Variants in ADAMTS12 observed in about 807,000 individuals in gnomAD.
ADAMTS12 encodes the protein A disintegrin and metalloproteinase with thrombospondin motifs 12.
In ADAMTS12, 118 loss-of-function variants were observed where a neutral mutation model predicts 167.8. That is an observed-to-expected ratio of 0.70 (90% CI 0.61 to 0.82). The LOEUF is 0.82. Ranked by LOEUF, ADAMTS12 falls within the 40% of genes least tolerant of loss-of-function variation. The probability of loss-of-function intolerance (pLI) is 0.00; values close to 1 mark genes in which losing one functional copy is unlikely to be tolerated. For synonymous variants in ADAMTS12, 704 were observed against 716.9 expected, an observed-to-expected ratio of 0.98 and a Z score of 0.29; for missense variants, 1,916 against 1,998.8, an observed-to-expected ratio of 0.96 and a Z score of 0.79.
intron 2 of ADAMTS12, among the ~76,000 whole-genome samples, chr5:33,811,091 C>A (rs72741472): frequency 6.6e-6 from 1 of 152,174 alleles, no homozygotes; most frequent in East Asian, 1.9e-4. Flanking sequence ...TTGGACTCTA[C>A]GCACTAGTTT....
chr5:33,745,928 A>C (rs924968383), intron 3 of ADAMTS12, among the ~76,000 whole-genome samples: 3 of 152,178 alleles, frequency 2.0e-5, no homozygotes, highest in Non-Finnish European at 4.4e-5. Flanking sequence ...CAGTCTTTTC[A>C]TCCCTCTCGT....
In ADAMTS12 at chr5:33,549,348, G is replaced by C. The variant is rs552869386; in HGVS notation, c.4161C>G (p.Arg1387=). ...CCCGGCTGTCCACGCACTGAATCTC[G>C]CGTATCTTGAAGCCCCCACTGCAGT... ...SRNCSGGFKI[R]EIQCVDSRDH... is the part of the protein sequence containing the mutation. The change falls in exon 21 of 24, where the codon CGC becomes CGG. Residue 1387 remains arginine (R), a synonymous_variant. Coordinates refer to ENST00000504830, the MANE Select transcript of ADAMTS12 (RefSeq NM_030955.4). 1 of 1,614,066 alleles carries C rather than the reference G, an allele frequency of 6.2e-7. No homozygotes were observed. The highest frequency in any genetic ancestry group is 1.7e-5 in the Admixed American group (1 of 60,022).
At chr5:33,848,590 C>G (rs1424927731) in intron 2 of ADAMTS12, among the ~76,000 whole-genome samples, 2 of 152,214 alleles carry the variant, frequency 1.3e-5, no homozygotes, top group Non-Finnish European at 2.9e-5. Flanking sequence ...AGTTGCAAAA[C>G]TGGACTTCAG....
chr5:33,869,975 C>T (rs1383838056), intron 2 of ADAMTS12, among the ~76,000 whole-genome samples: 1 of 152,100 alleles, frequency 6.6e-6, no homozygotes, highest in Non-Finnish European at 1.5e-5. Flanking sequence ...CATTCTTTTC[C>T]CAGGGATGTT....
In ADAMTS12 at chr5:33,542,413, G is replaced by T. The variant is rs570214324; in HGVS notation, c.4446+3646C>A. Among the ~76,000 whole-genome samples, 11 of 152,168 alleles carry T rather than the reference G, an allele frequency of 7.2e-5. No homozygotes were observed. The South Asian group carries it at 8.3e-4, about 12-fold the overall frequency. On this transcript the variant is annotated intron_variant, in intron 22 of 23. Transcript: ENST00000504830. The stretch of plus-strand genomic sequence containing the variant: ...ACTTAGACTCCCACACAATAATAAT[G>T]GGAGACTTTAACACCCCACTGTCAA...
intron 2 of ADAMTS12, among the ~76,000 whole-genome samples, chr5:33,840,650 G>A (rs184288739): frequency 1.3e-5 from 2 of 152,358 alleles, no homozygotes; most frequent in Admixed American, 6.5e-5. Context: ...ATGGGAAGCT[G>A]TACTAACAGT....
rs1222029627 is a variant in ADAMTS12, at chr5:33,643,393, T to A, written c.1557A>T (p.Gln519His). Residue 519 changes from glutamine to histidine, a missense_variant, in exon 10 of 24, where the codon CAA (glutamine) becomes CAT (histidine). Gln to His is a conservative substitution (Grantham distance 24). Coordinates refer to ENST00000504830, the MANE Select transcript of ADAMTS12 (RefSeq NM_030955.4). ...GACGCATCACCTTCTTCTCACCACA[T>A]TGAGTTCCATCTGCAGCAGCGTCCA... is the stretch of plus-strand genomic sequence containing the variant. The part of the protein sequence containing the change: ...SKLDAAADGT[Q>H]CGEKKWCMAG... 1.9e-6 allele frequency: 3 copies of A among 1,614,102 alleles called. No homozygotes were observed. The highest frequency in any genetic ancestry group is 2.5e-6 in the Non-Finnish European group (3 of 1,179,968).
intron 17 of ADAMTS12, among the ~76,000 whole-genome samples, chr5:33,590,203 G>C (rs1465871124): frequency 3.3e-5 from 5 of 152,178 alleles, no homozygotes; most frequent in Non-Finnish European, 5.9e-5. Context: ...ATTTATCTAA[G>C]TACTTGCTAC....
At chr5:33,546,788 T>C (rs1745005204) in intron 21 of ADAMTS12, among the ~76,000 whole-genome samples, 1 of 152,238 alleles carries the variant, frequency 6.6e-6, no homozygotes, top group South Asian at 2.1e-4. Flanking sequence ...ATAAGATACA[T>C]TATCTCATTT....
chr5:33,835,950 T>TCC, intron 2 of ADAMTS12, among the ~76,000 whole-genome samples: 2 of 31,512 alleles, frequency 6.3e-5, no homozygotes, highest in African/African-American at 2.1e-4. Flanking sequence ...TCTCTCTCTC[T>TCC]CTCTGTGTGT....
At chr5:33,752,369 T>C (rs941859757) in intron 2 of ADAMTS12, among the ~76,000 whole-genome samples, 5 of 152,180 alleles carry the variant, frequency 3.3e-5, no homozygotes, top group Admixed American at 6.5e-5. Context: ...GGACCTGACC[T>C]AGACAGACTG....
intron 2 of ADAMTS12, among the ~76,000 whole-genome samples, chr5:33,873,559 A>G (rs1750120403): frequency 6.6e-6 from 1 of 152,206 alleles, no homozygotes; most frequent in Admixed American, 6.5e-5. Context: ...GGATATTCAC[A>G]AAATGATTCT....
At chr5:33,776,596 C>T (rs533254908) in intron 2 of ADAMTS12, among the ~76,000 whole-genome samples, 10 of 151,788 alleles carry the variant, frequency 6.6e-5, no homozygotes, top group African/African-American at 2.2e-4. Flanking sequence ...AAGTTTGTAG[C>T]AATAAACGCC....
At chr5:33,565,442 G>A (rs566821418) in intron 19 of ADAMTS12, among the ~76,000 whole-genome samples, 3 of 152,266 alleles carry the variant, frequency 2.0e-5, no homozygotes, top group African/African-American at 7.2e-5. Flanking sequence ...ATGAGCCACC[G>A]CTCTGGCCTT....
In ADAMTS12 at chr5:33,829,847, C is replaced by T. The variant is rs573205434; in HGVS notation, c.489+51272G>A. On this transcript the variant is annotated intron_variant, in intron 2 of 23. Coordinates refer to ENST00000504830, the MANE Select transcript of ADAMTS12 (RefSeq NM_030955.4). Reference sequence around the variant, plus strand: ...TTTCCTCAATTCCCAAAGAATTCACCCGCTTCATACTGAGAAATCCATCTG... The same window carrying T: ...TTTCCTCAATTCCCAAAGAATTCACTCGCTTCATACTGAGAAATCCATCTG... Among the ~76,000 whole-genome samples the T allele has an allele frequency of 5.9e-5, 9 of 152,282 alleles. No individual in the cohort carries two copies. The East Asian group carries it at 1.7e-3, about 29-fold the overall frequency.
At chr5:33,751,091 G>C in intron 3 of ADAMTS12, 1 of 448,394 alleles carries the variant, frequency 2.2e-6, no homozygotes, top group South Asian at 5.0e-5. Context: ...ATTCAGAAGA[G>C]TTTTTTAAAA....
At chr5:33,532,290 G>A (rs1713507260) in intron 23 of ADAMTS12, among the ~76,000 whole-genome samples, 1 of 152,094 alleles carries the variant, frequency 6.6e-6, no homozygotes, top group Non-Finnish European at 1.5e-5. Context: ...GCCAAGAACT[G>A]TATTTTACTC....
chr5:33,622,776 T>G (rs962235113), intron 14 of ADAMTS12, among the ~76,000 whole-genome samples: 1 of 152,230 alleles, frequency 6.6e-6, no homozygotes, highest in East Asian at 1.9e-4. Flanking sequence ...AAAACACCTT[T>G]GTAAAGCTTG....
Position 33,881,108 on chromosome 5 carries a change from C to A in ADAMTS12, c.489+11G>T. The A allele has an allele frequency of 6.2e-7, 1 of 1,610,440 alleles. No individual in the cohort carries two copies. The highest frequency in any genetic ancestry group is 8.5e-7 in the Non-Finnish European group (1 of 1,178,566). ...AGGGCAGAGGAAGGAGATGCCAGAGCCCACACTCACCAGTCCATGGCAGGC... is the reference window on the plus strand; with the variant it reads ...AGGGCAGAGGAAGGAGATGCCAGAGACCACACTCACCAGTCCATGGCAGGC... On this transcript the variant is annotated intron_variant, in intron 2 of 23. Coordinates refer to ENST00000504830, the MANE Select transcript of ADAMTS12 (RefSeq NM_030955.4).
Sources: allele counts gnomAD v4.1 joint callset (sites outside exome capture counted in the v4.1 genomes callset), GRCh38; gene constraint gnomAD v4.1.1; transcripts MANE v1.5; gene names NCBI Gene and HGNC (gene_info 2026-07-23, HGNC 2026-07-21).